The following OFD1 variants were observed in gnomAD, a reference collection of about 807,000 sequenced individuals.
OFD1 encodes the protein centriole and centriolar satellite protein OFD1.
A neutral mutation model predicts 81.4 loss-of-function variants in OFD1; 12 were observed. The ratio of observed to expected loss-of-function variants is 0.15; its 90% CI spans 0.09 to 0.24. The LOEUF (loss-of-function observed/expected upper bound fraction) is 0.24, where lower values mean the gene tolerates loss of function less well. Ranked by LOEUF, OFD1 falls within the 10% of genes least tolerant of loss-of-function variation. The pLI is 1.00. For synonymous variants in OFD1, 256 were observed against 263.7 expected (o/e 0.97, Z 0.28); for missense variants, 685 against 733.9 (o/e 0.93, Z 0.77).
At chrX:13,733,595 G>A (rs187820921), upstream of OFD1, among the ~76,000 whole-genome samples, 502 of 111,765 alleles carry the variant, frequency 4.5e-3, 5 homozygotes, top group Non-Finnish European at 5.9e-3. Flanking sequence ...CACAGCCAGA[G>A]ATCAAAACTC....
chrX:13,768,013 A>G (rs1011435492), intron 20 of OFD1, 41 bp from the exon 21 acceptor site: 6 of 1,142,411 alleles, frequency 5.3e-6, no homozygotes, highest in Middle Eastern at 2.4e-4. Flanking sequence ...AAGTTTTACA[A>G]ATGTATTTGT....
At chrX:13,715,844 A>C in the OFD1 span, 1 of 980,486 alleles carries the variant, frequency 1.0e-6, no homozygotes, top group Non-Finnish European at 1.3e-6. Flanking sequence ...CTGGCTGTGA[A>C]GACTTACCTG....
At chrX:13,737,326 TTTA>T (rs1299559135) in intron 3 of OFD1, among the ~76,000 whole-genome samples, 2 of 110,849 alleles carry the variant, frequency 1.8e-5, no homozygotes, top group African/African-American at 3.3e-5. Flanking sequence ...TTAGTACTAC[TTTA>T]TTATTTTAAA....
chrX:13,755,946 C>CTTTTTTTTTTTTTTTTTT (rs34300430), intron 12 of OFD1, among the ~76,000 whole-genome samples: 9 of 65,091 alleles, frequency 1.4e-4, no homozygotes, highest in African/African-American at 4.6e-4. Flanking sequence ...CTTTCTTTCC[C>CTTTTTTTTTTTTTTTTTT]TTTTTTTTTT....
intron 19 of OFD1, 123 bp from the exon 20 acceptor site, chrX:13,767,002 TCA>T (rs1335772799): frequency 3.2e-6 from 2 of 625,029 alleles, no homozygotes; most frequent in Non-Finnish European, 5.3e-6. Context: ...TTGAAGCAGG[TCA>T]CAGAGTCAAC....
intron 15 of OFD1, among the ~76,000 whole-genome samples, chrX:13,759,394 T>C (rs1343273839): frequency 2.7e-5 from 3 of 112,579 alleles, no homozygotes; most frequent in Non-Finnish European, 5.6e-5. Flanking sequence ...TAGAACTCTT[T>C]CGCATGCATG....
rs1248762960 is a variant in OFD1 at position 13,755,255 on chromosome X, C to T, written c.1221+13C>T. On this transcript the variant is annotated intron_variant, in intron 12 of 22. Coordinates refer to ENST00000340096, the MANE Select transcript of OFD1 (RefSeq NM_003611.3). ...GAAAGAACTTGAGGTAATTGTTAAGCATGTTGGTTTTTGAAATAGATTTTA... is the reference window on the plus strand; with the variant it reads ...GAAAGAACTTGAGGTAATTGTTAAGTATGTTGGTTTTTGAAATAGATTTTA... 1.2e-5 allele frequency: 13 copies of T among 1,118,902 alleles called. No individual in the cohort carries two copies. The highest frequency in any genetic ancestry group is 1.5e-5 in the Non-Finnish European group (12 of 812,208). The allele number at this position is 1,118,902 out of a possible 1,213,427, so 92.2% of individuals were successfully genotyped here. A position where few individuals can be genotyped will look rare whatever the true frequency, so the allele number is the denominator to read the frequency against.
the OFD1 span, among the ~76,000 whole-genome samples, chrX:13,727,462 A>G: frequency 1.8e-5 from 2 of 112,567 alleles, no homozygotes; most frequent in Non-Finnish European, 3.7e-5. Flanking sequence ...AAACTGCTCA[A>G]CTAAATGGAA....
intron 10 of OFD1, among the ~76,000 whole-genome samples, chrX:13,751,918 A>G (rs1485366808): frequency 8.9e-6 from 1 of 112,078 alleles, no homozygotes; most frequent in Non-Finnish European, 1.9e-5. Flanking sequence ...GTGGGCTGTG[A>G]TTTGCTTTAA....
the OFD1 span, among the ~76,000 whole-genome samples, chrX:13,725,320 G>A: frequency 3.6e-5 from 4 of 112,638 alleles, no homozygotes; most frequent in East Asian, 1.1e-3. Flanking sequence ...ACCCCCGTAT[G>A]GCCTAATTGG....
intron 8 of OFD1, among the ~76,000 whole-genome samples, chrX:13,749,121 CAAAA>C (rs35839446): frequency 1.3e-4 from 9 of 69,065 alleles, no homozygotes; most frequent in African/African-American, 3.7e-4. Flanking sequence ...GACCCTGTCT[CAAAA>C]AAAAAAAAAA....
Position 13,768,730 on chromosome X carries a change from A to G in OFD1, c.2941A>G (p.Met981Val). 8.3e-7 allele frequency: 1 copy of G among 1,210,022 alleles called. No individual in the cohort carries two copies. Among genetic ancestry groups the G allele is most frequent in the East Asian group, 3.0e-5 (1 of 33,849 alleles). The change falls in exon 22 of 23, where the codon ATG becomes GTG. Residue 981 changes from methionine to valine, a missense_variant. Around this residue, in one of 3 missense-constraint regions of OFD1, gnomAD observed 259 missense variants for 254.4 expected, o/e 1.02. Transcript: ENST00000340096. Reference protein sequence around the residue: ...QESADKSSKKMVQEGSLVDTL... With the variant: ...QESADKSSKKVVQEGSLVDTL... ...TCCATGTAATCAGAGCTCAAAAAAG[A>G]TGGTCCAAGAAGGCTCCCTAGTGGA...
chrX:13,748,313 T>C (rs1390859169), intron 8 of OFD1, among the ~76,000 whole-genome samples: 2 of 112,280 alleles, frequency 1.8e-5, no homozygotes, highest in Admixed American at 1.9e-4. Context: ...AGAAGCACCA[T>C]GTCTTTATTC....
chrX:13,736,518 C>T lies in OFD1; in HGVS notation c.152C>T (p.Pro51Leu), dbSNP rs1465898959. 1 of 1,209,318 alleles carries T rather than the reference C, an allele frequency of 8.3e-7. No individual in the cohort carries two copies. Among genetic ancestry groups the T allele is most frequent in the African/African-American group, 1.8e-5 (1 of 57,066 alleles). Residue 51 changes from proline (P) to leucine (L), a missense_variant, in exon 3 of 23, where the codon CCT becomes CTT. Pro to Leu is a moderately conservative substitution (Grantham distance 98). Transcript: ENST00000340096. ...CAGCTAATTCATGAGTTGATGCACC[C>T]TGTATTGAGTGGAGAACTGCAGCCT... ...RNQLIHELMHPVLSGELQPRS... is the reference protein window; with the variant it reads ...RNQLIHELMHLVLSGELQPRS...
At chrX:13,718,467 GTTATGCAACAAAGTA>G in the OFD1 span, among the ~76,000 whole-genome samples, 31,926 of 111,311 alleles carry the variant, frequency 0.29, 3,492 homozygotes, top group South Asian at 0.47. Context: ...CTAAAATCAA[GTTATGCAACAAAGTA>G]TTTTTATGTG....
chrX:13,765,179 C>A (rs182114775), intron 19 of OFD1, among the ~76,000 whole-genome samples: 2 of 110,108 alleles, frequency 1.8e-5, no homozygotes, highest in Admixed American at 1.9e-4. Flanking sequence ...ATCTCTTCAT[C>A]TGGGCACAAA....
At chrX:13,772,904 C>G, downstream of OFD1, 3 of 1,210,686 alleles carry the variant, frequency 2.5e-6, no homozygotes, top group Non-Finnish European at 3.4e-6. Flanking sequence ...TTGAGTTGTT[C>G]TTTTGACCGA....
intron 12 of OFD1, among the ~76,000 whole-genome samples, chrX:13,756,229 C>T (rs749177116): frequency 3.6e-5 from 4 of 111,472 alleles, no homozygotes; most frequent in Non-Finnish European, 5.6e-5. Context: ...GCTGCGATTA[C>T]GGGCGTGAGC....
chrX:13,717,034 TAAAAA>T, the OFD1 span, among the ~76,000 whole-genome samples: 448 of 37,931 alleles, frequency 0.012, 2 homozygotes, highest in African/African-American at 0.04. Context: ...GATACTATGT[TAAAAA>T]AAAAAAAAAA....
Sources: allele counts gnomAD v4.1 joint callset (sites outside exome capture counted in the v4.1 genomes callset), GRCh38; gene constraint gnomAD v4.1.1; regional missense constraint gnomAD v4.1.1; transcripts MANE v1.5; gene names NCBI Gene and HGNC (gene_info 2026-07-23, HGNC 2026-07-21).